Variants in CMTM8 observed in about 807,000 individuals in gnomAD.
CMTM8 encodes CKLF-like MARVEL transmembrane domain-containing protein 8.
CMTM8 carries 12 observed loss-of-function variants against 18.6 expected under a neutral mutation model. The ratio of observed to expected loss-of-function variants is 0.65; its 90% CI spans 0.41 to 1.05. CMTM8 has a LOEUF of 1.05. Among genes scored for constraint, CMTM8 ranks in the 50% least tolerant of loss-of-function variants. CMTM8 has a pLI of 0.00. For synonymous variants in CMTM8, 87 were observed against 90.6 expected (o/e 0.96, Z 0.23); for missense variants, 217 against 227.2 (o/e 0.95, Z 0.29).
At chr3:32,368,456 A>ATTTT (rs10594471) in intron 3 of CMTM8, among the ~76,000 whole-genome samples, 6 of 128,116 alleles carry the variant, frequency 4.7e-5, no homozygotes, top group Non-Finnish European at 4.9e-5. Flanking sequence ...AGAAACTTCT[A>ATTTT]TTTTTTTTTT....
At chr3:32,320,046 T>C in intron 1 of CMTM8, among the ~76,000 whole-genome samples, 1 of 152,254 alleles carries the variant, frequency 6.6e-6, no homozygotes, top group East Asian at 1.9e-4. Context: ...GATGATTCTA[T>C]GATCTAAAAA....
chr3:32,326,902 A>C lies in CMTM8; in HGVS notation c.148-30471A>C, dbSNP rs182988702. The stretch of plus-strand genomic sequence containing the variant: ...CCGATAACCCAAGAATGAATCTCTC[A>C]ACATGTCTTGATGGGATTCCACTTC... On this transcript the variant is annotated intron_variant, in intron 1 of 3. Transcript: ENST00000307526. Among the ~76,000 whole-genome samples the C allele has an allele frequency of 2.0e-5, 3 of 152,260 alleles. No individual in the cohort carries two copies. In the East Asian group the frequency reaches 5.8e-4, roughly 29 times the overall value.
intron 2 of CMTM8, 23 bp from the exon 3 acceptor site, chr3:32,367,849 A>T (rs1324357046): frequency 1.3e-6 from 2 of 1,531,134 alleles, no homozygotes; most frequent in South Asian, 2.2e-5. Flanking sequence ...CTCCCTAAAC[A>T]CTCTGCCCCT....
chr3:32,319,260 G>T (rs181007136), intron 1 of CMTM8, among the ~76,000 whole-genome samples: 224 of 150,378 alleles, frequency 1.5e-3, no homozygotes, highest in African/African-American at 5.3e-3. Context: ...TGTATTTTTA[G>T]TAGAGACAGG....
intron 1 of CMTM8, among the ~76,000 whole-genome samples, chr3:32,345,030 T>C (rs1199745184): frequency 1.3e-5 from 2 of 151,984 alleles, no homozygotes; most frequent in African/African-American, 2.4e-5. Context: ...AAGTGGTGAG[T>C]TGATTTTCAA....
intron 1 of CMTM8, among the ~76,000 whole-genome samples, chr3:32,329,900 T>A (rs1696238682): frequency 6.6e-6 from 1 of 152,174 alleles, no homozygotes; most frequent in Non-Finnish European, 1.5e-5. Context: ...TCAGCACAGT[T>A]GCAGGATACA....
At chr3:32,282,686 C>A (rs1470355028) in intron 1 of CMTM8, among the ~76,000 whole-genome samples, 1 of 152,170 alleles carries the variant, frequency 6.6e-6, no homozygotes. Context: ...TATTCCACTT[C>A]CCATTGCATT....
intron 1 of CMTM8, among the ~76,000 whole-genome samples, chr3:32,261,335 T>A (rs966930938): frequency 6.6e-5 from 10 of 152,320 alleles, no homozygotes; most frequent in South Asian, 4.1e-4. Flanking sequence ...AGCACCTTTC[T>A]ATGTTTATTT....
chr3:32,327,394 A>G (rs1314321667), intron 1 of CMTM8, among the ~76,000 whole-genome samples: 1 of 152,256 alleles, frequency 6.6e-6, no homozygotes, highest in Non-Finnish European at 1.5e-5. Flanking sequence ...TAGAAAGGCA[A>G]TATTGATGGC....
At chr3:32,335,282 G>A (rs145432327) in intron 1 of CMTM8, among the ~76,000 whole-genome samples, 5 of 152,272 alleles carry the variant, frequency 3.3e-5, no homozygotes, top group African/African-American at 7.2e-5. Flanking sequence ...AAGCCTTCCC[G>A]TACATGTCAT....
chr3:32,365,454 T>C (rs1697017019), intron 2 of CMTM8, among the ~76,000 whole-genome samples: 1 of 148,826 alleles, frequency 6.7e-6, no homozygotes, highest in Admixed American at 6.7e-5. Flanking sequence ...CTTTGTTTGT[T>C]TTTGTTTTTG....
chr3:32,334,270 A>G (rs1696340248), intron 1 of CMTM8, among the ~76,000 whole-genome samples: 1 of 150,426 alleles, frequency 6.6e-6, no homozygotes, highest in South Asian at 2.2e-4. Context: ...GAGCCACCAC[A>G]CCTGGCCCAA....
chr3:32,273,566 A>T (rs1345185404), intron 1 of CMTM8, among the ~76,000 whole-genome samples: 1 of 152,184 alleles, frequency 6.6e-6, no homozygotes, highest in African/African-American at 2.4e-5. Context: ...ACATTATGCT[A>T]AGTGAAAGAA....
intron 1 of CMTM8, among the ~76,000 whole-genome samples, chr3:32,341,804 G>A (rs1696501171): frequency 6.6e-6 from 1 of 152,086 alleles, no homozygotes; most frequent in African/African-American, 2.4e-5. Flanking sequence ...TTGAACCCAG[G>A]GGTCGGAGGT....
chr3:32,270,730 G>A (rs1283970185), intron 1 of CMTM8, among the ~76,000 whole-genome samples: 2 of 152,148 alleles, frequency 1.3e-5, no homozygotes, highest in African/African-American at 4.8e-5. Flanking sequence ...TGGGGTGGGG[G>A]GAGCGGGGAG....
At chr3:32,349,469 G>C (rs917536733) in intron 1 of CMTM8, among the ~76,000 whole-genome samples, 1 of 152,096 alleles carries the variant, frequency 6.6e-6, no homozygotes, top group African/African-American at 2.4e-5. Flanking sequence ...CCACTATAAT[G>C]TTCAGACCTT....
At chr3:32,275,593 T>G (rs1396645654) in intron 1 of CMTM8, among the ~76,000 whole-genome samples, 1 of 150,106 alleles carries the variant, frequency 6.7e-6, no homozygotes, top group African/African-American at 2.5e-5. Flanking sequence ...AAGGTATTGG[T>G]GAAATCGCTC....
At chr3:32,355,881 T>C (rs1417296205) in intron 1 of CMTM8, among the ~76,000 whole-genome samples, 1 of 152,192 alleles carries the variant, frequency 6.6e-6, no homozygotes, top group African/African-American at 2.4e-5. Flanking sequence ...CCTGCTTCTG[T>C]CTCGCTAGTG....
chr3:32,328,946 A>G (rs2125582444), intron 1 of CMTM8, among the ~76,000 whole-genome samples: 1 of 152,354 alleles, frequency 6.6e-6, no homozygotes, highest in East Asian at 1.9e-4. Flanking sequence ...TCTTACAAAA[A>G]ATTGAAGAGA....
Sources: gnomAD v4.1 joint callset for allele counts (sites outside exome capture counted in the v4.1 genomes callset) on GRCh38, gnomAD v4.1.1 for gene constraint, MANE v1.5 for transcripts, NCBI Gene and HGNC (gene_info 2026-07-23, HGNC 2026-07-21) for gene names.